Variants in PDE7B observed in about 807,000 individuals in gnomAD.
PDE7B encodes the protein 3',5'-cyclic-AMP phosphodiesterase 7B.
In PDE7B, 29 loss-of-function variants were observed where a neutral mutation model predicts 56.2. The ratio of observed to expected loss-of-function variants is 0.52; its 90% CI spans 0.38 to 0.70. The LOEUF (loss-of-function observed/expected upper bound fraction) is 0.70, where lower values mean the gene tolerates loss of function less well. Among genes scored for constraint, PDE7B ranks in the 30% least tolerant of loss-of-function variants. The pLI is 0.00. For synonymous variants in PDE7B, 197 were observed against 196.9 expected, an observed-to-expected ratio of 1.00 and a Z score of 0.00; for missense variants, 490 against 565.0, an observed-to-expected ratio of 0.87 and a Z score of 1.35.
intron 1 of PDE7B, among the ~76,000 whole-genome samples, chr6:135,853,759 G>C (rs1048162499): frequency 1.3e-5 from 2 of 152,042 alleles, no homozygotes; most frequent in Admixed American, 6.6e-5. Context: ...TAGGGCAAGG[G>C]TGGAAAAGTC....
intron 1 of PDE7B, among the ~76,000 whole-genome samples, chr6:135,901,546 T>A (rs1282281352): frequency 6.6e-6 from 1 of 152,134 alleles, no homozygotes; most frequent in Non-Finnish European, 1.5e-5. Context: ...TGGGGTACTC[T>A]CTTCTTCCTG....
intron 2 of PDE7B, among the ~76,000 whole-genome samples, chr6:136,009,072 C>A (rs1193326916): frequency 6.6e-6 from 1 of 151,832 alleles, no homozygotes; most frequent in Non-Finnish European, 1.5e-5. Flanking sequence ...GTTTTCCCAG[C>A]ACCATTTATT....
chr6:135,878,284 T>C (rs1046554399), intron 1 of PDE7B, among the ~76,000 whole-genome samples: 2 of 152,204 alleles, frequency 1.3e-5, no homozygotes, highest in Admixed American at 6.5e-5. Context: ...GTCTTTTTTT[T>C]TAAAATAGTG....
chr6:136,137,737 T>G (rs1778239973), intron 3 of PDE7B, among the ~76,000 whole-genome samples: 1 of 152,126 alleles, frequency 6.6e-6, no homozygotes. Flanking sequence ...AAGAAGGTAC[T>G]CAAAAATGAA....
At chr6:136,116,563 T>C (rs984035738) in intron 3 of PDE7B, among the ~76,000 whole-genome samples, 1 of 152,152 alleles carries the variant, frequency 6.6e-6, no homozygotes, top group African/African-American at 2.4e-5. Context: ...ATACTGAATA[T>C]TGGGAGAGCC....
chr6:136,052,301 A>G (rs1776643320), intron 2 of PDE7B, among the ~76,000 whole-genome samples: 4 of 152,180 alleles, frequency 2.6e-5, no homozygotes, highest in Admixed American at 2.6e-4. Flanking sequence ...TGATTACTAC[A>G]TTCATTATCT....
At chr6:135,997,859 G>A (rs1775593030) in intron 2 of PDE7B, among the ~76,000 whole-genome samples, 1 of 152,132 alleles carries the variant, frequency 6.6e-6, no homozygotes, top group Admixed American at 6.5e-5. Flanking sequence ...GCCAGTGGGT[G>A]GGAGGTTATT....
chr6:135,916,005 C>T (rs1773925724), intron 1 of PDE7B, among the ~76,000 whole-genome samples: 1 of 152,192 alleles, frequency 6.6e-6, no homozygotes, highest in South Asian at 2.1e-4. Flanking sequence ...AATAAAGCTA[C>T]TATAAACATT....
chr6:136,130,255 T>C lies in PDE7B; in HGVS notation c.167-17096T>C, dbSNP rs190273607. ...GGCGCCAAAAACTTCTTACATTTCCTCTCAGACTACCTTTCACTGGTACAG... is the reference window on the plus strand; with the variant it reads ...GGCGCCAAAAACTTCTTACATTTCCCCTCAGACTACCTTTCACTGGTACAG... On this transcript the variant is annotated intron_variant, in intron 3 of 12. Transcript: ENST00000308191. 1.3e-3 allele frequency among the ~76,000 whole-genome samples: 195 copies of C among 152,270 alleles called. 1 individual carries two copies. Among genetic ancestry groups the C allele is most frequent in the African/African-American group, 3.2e-3 (132 of 41,562 alleles).
intron 2 of PDE7B, among the ~76,000 whole-genome samples, chr6:135,954,379 T>C (rs1279664285): frequency 6.6e-6 from 1 of 152,032 alleles, no homozygotes; most frequent in African/African-American, 2.4e-5. Flanking sequence ...CAAAGATCGG[T>C]TGGCCTAGTA....
intron 2 of PDE7B, among the ~76,000 whole-genome samples, chr6:136,077,619 T>G (rs142891938): frequency 1.3e-5 from 2 of 152,192 alleles, no homozygotes; most frequent in African/African-American, 4.8e-5. Context: ...GCATGTATTT[T>G]AAAATGCAAA....
At chr6:135,974,024 T>G (rs1001986227) in intron 2 of PDE7B, among the ~76,000 whole-genome samples, 1 of 152,156 alleles carries the variant, frequency 6.6e-6, no homozygotes, top group Non-Finnish European at 1.5e-5. Flanking sequence ...AAGAATGACA[T>G]GAATCAATGA....
intron 8 of PDE7B, chr6:136,162,165 C>G (rs563382179): frequency 8.8e-4 from 134 of 152,202 alleles, no homozygotes; most frequent in African/African-American, 3.0e-3. Flanking sequence ...AAATAGCAAG[C>G]AACTATATTA....
At chr6:135,881,610 T>C (rs916886132) in intron 1 of PDE7B, among the ~76,000 whole-genome samples, 1 of 152,164 alleles carries the variant, frequency 6.6e-6, no homozygotes, top group African/African-American at 2.4e-5. Context: ...GACCTGTTAA[T>C]GTAGAGCAGC....
chr6:135,954,670 G>A lies in PDE7B; in HGVS notation c.82+7146G>A, dbSNP rs1488110832. Among the ~76,000 whole-genome samples the A allele has an allele frequency of 2.6e-5, 4 of 152,144 alleles. No homozygotes were observed. The East Asian group carries it at 7.7e-4, about 29-fold the overall frequency. On this transcript the variant is annotated intron_variant, in intron 2 of 12. Coordinates refer to ENST00000308191, the MANE Select transcript of PDE7B (RefSeq NM_018945.4). ...TATTCTTGGGCAGATGGAGCATTGT[G>A]CTGAGAATACAGGAAGAGGCCCATT...
intron 2 of PDE7B, among the ~76,000 whole-genome samples, chr6:136,024,360 C>T (rs1776116359): frequency 6.6e-6 from 1 of 152,194 alleles, no homozygotes; most frequent in South Asian, 2.1e-4. Context: ...AGCATCATTG[C>T]TAGCGGAAAT....
chr6:135,910,029 G>A (rs1483504594), intron 1 of PDE7B, among the ~76,000 whole-genome samples: 3 of 152,168 alleles, frequency 2.0e-5, no homozygotes, highest in African/African-American at 7.2e-5. Context: ...ATCCTGACAG[G>A]TGTATTGCTT....
At chr6:136,184,305 C>T (rs1779112792) in intron 11 of PDE7B, among the ~76,000 whole-genome samples, 1 of 152,240 alleles carries the variant, frequency 6.6e-6, no homozygotes, top group South Asian at 2.1e-4. Context: ...AATAAATGAT[C>T]TAATTGGAAA....
chr6:136,113,986 G>A (rs1777791091), intron 3 of PDE7B, among the ~76,000 whole-genome samples: 1 of 152,168 alleles, frequency 6.6e-6, no homozygotes, highest in Admixed American at 6.5e-5. Flanking sequence ...AACGTGCTCA[G>A]GGACTGTGGA....
Sources: gnomAD v4.1 joint callset for allele counts (sites outside exome capture counted in the v4.1 genomes callset) on GRCh38, gnomAD v4.1.1 for gene constraint, MANE v1.5 for transcripts, NCBI Gene and HGNC (gene_info 2026-07-23, HGNC 2026-07-21) for gene names.